ABCB1: variants seen among roughly 807,000 people sequenced by gnomAD.
ABCB1 encodes the protein ATP binding cassette subfamily B member 1.
Under a neutral mutation model 142.0 loss-of-function variants are expected in ABCB1, and 69 were observed. The observed-to-expected ratio is 0.49, with a 90% CI of 0.40 to 0.59. ABCB1 has a LOEUF of 0.59. Among genes scored for constraint, ABCB1 ranks in the 20% least tolerant of loss-of-function variants. The probability of loss-of-function intolerance (pLI) is 0.00; values close to 1 mark genes in which losing one functional copy is unlikely to be tolerated. For synonymous variants in ABCB1, 532 were observed against 539.2 expected, an observed-to-expected ratio of 0.99 and a Z score of 0.18; for missense variants, 1,326 against 1,554.7, an observed-to-expected ratio of 0.85 and a Z score of 2.47.
At chr7:87,550,671 G>T in intron 10 of ABCB1, 54 bp downstream of exon 10, 2 of 1,550,504 alleles carry the variant, frequency 1.3e-6, no homozygotes, top group South Asian at 2.2e-5. Context: ...CAAAGAAATT[G>T]ACTTAACTGG....
chr7:87,521,449 TC>T (rs1815504039), intron 21 of ABCB1: 2 of 703,292 alleles, frequency 2.8e-6, no homozygotes, highest in African/African-American at 3.5e-5. Context: ...AGTCTCTCTT[TC>T]CCCTGCCGTC....
chr7:87,565,640 T>TA (rs28381850), intron 7 of ABCB1, among the ~76,000 whole-genome samples: 15,638 of 151,048 alleles, frequency 0.1, 1,153 homozygotes, highest in African/African-American at 0.21. Context: ...AACATTAAAG[T>TA]AAAAAAAAAT....
At position 87,570,174 on chromosome 7, in the gene ABCB1, G is replaced by C. The variant is rs1468733075; in HGVS notation, c.336C>G (p.Thr112=). ...GFFMNLEEDM[T]RYAYYYSGIG... ...TAGTAAGGAGAATGTCTAATTACCT[G>C]GTCATGTCTTCCTCCAGATTCATGA... Residue 112 remains threonine, a splice_region_variant and synonymous_variant, in exon 5 of 28, where the codon ACC becomes ACG. Coordinates refer to ENST00000622132, the MANE Select transcript of ABCB1 (RefSeq NM_001348946.2). 6.2e-7 allele frequency: 1 copy of C among 1,611,994 alleles called. No homozygotes were observed. The highest frequency in any genetic ancestry group is 1.7e-5 in the Admixed American group (1 of 60,002).
chr7:87,601,758 T>G (rs1358476501), upstream of ABCB1, among the ~76,000 whole-genome samples: 1 of 152,268 alleles, frequency 6.6e-6, no homozygotes, highest in Non-Finnish European at 1.5e-5. Flanking sequence ...ATAGGTTTGT[T>G]GTATCCTCTA....
At chr7:87,594,320 G>T (rs1234197399) in intron 3 of ABCB1, among the ~76,000 whole-genome samples, 1 of 152,124 alleles carries the variant, frequency 6.6e-6, no homozygotes, top group East Asian at 1.9e-4. Context: ...AGGATTAAAT[G>T]AGATTAAATA....
At chr7:87,628,223 G>C (rs1158530689) in intron 1 of ABCB1, among the ~76,000 whole-genome samples, 1 of 152,226 alleles carries the variant, frequency 6.6e-6, no homozygotes, top group Non-Finnish European at 1.5e-5. Context: ...CTGCGAAAGC[G>C]AGCCCAGCGT....
intron 1 of ABCB1, among the ~76,000 whole-genome samples, chr7:87,628,127 G>C (rs1237448750): frequency 6.6e-6 from 1 of 152,202 alleles, no homozygotes; most frequent in Admixed American, 6.5e-5. Context: ...AGGCAAGGGG[G>C]GGGCAATAGG....
intron 3 of ABCB1, among the ~76,000 whole-genome samples, chr7:87,589,325 A>G (rs1469059623): frequency 6.6e-6 from 1 of 152,222 alleles, no homozygotes; most frequent in Non-Finnish European, 1.5e-5. Flanking sequence ...TGAGCATACA[A>G]TATGCAAATA....
intron 1 of ABCB1, among the ~76,000 whole-genome samples, chr7:87,626,153 CATATATATGTGTCATATATATTGTCAT>C: frequency 7.6e-6 from 1 of 131,472 alleles, no homozygotes; most frequent in Non-Finnish European, 1.6e-5. Context: ...TATATATTGT[CATATATATGTGTCATATATATTGTCAT>C]ATATATGTGT....
chr7:87,651,055 T>C, intron 1 of ABCB1: 1 of 630,320 alleles, frequency 1.6e-6, no homozygotes. Flanking sequence ...ATGTGAAATG[T>C]CAAATCTTTT....
chr7:87,555,100 A>G (rs1817253144), intron 8 of ABCB1, among the ~76,000 whole-genome samples: 1 of 152,208 alleles, frequency 6.6e-6, no homozygotes, highest in South Asian at 2.1e-4. Flanking sequence ...CCTTCATTTG[A>G]AAGGAACAGA....
chr7:87,522,804 T>C (rs1017762343), intron 21 of ABCB1, among the ~76,000 whole-genome samples: 32 of 152,170 alleles, frequency 2.1e-4, no homozygotes, highest in African/African-American at 7.7e-4. Flanking sequence ...TTTTCCTAAG[T>C]GCATAAATAT....
intron 1 of ABCB1, chr7:87,693,860 A>T (rs1563139078): frequency 6.3e-7 from 1 of 1,581,506 alleles, no homozygotes. Context: ...ACATGATGGC[A>T]GGTTTCTTAA....
intron 1 of ABCB1, among the ~76,000 whole-genome samples, chr7:87,685,147 A>C (rs1827331752): frequency 6.6e-6 from 1 of 152,204 alleles, no homozygotes; most frequent in Non-Finnish European, 1.5e-5. Context: ...TAATGATAAG[A>C]CAAGGCATAG....
At chr7:87,538,993 C>G (rs113125420) in intron 19 of ABCB1, among the ~76,000 whole-genome samples, 1 of 152,194 alleles carries the variant, frequency 6.6e-6, no homozygotes, top group Non-Finnish European at 1.5e-5. Context: ...TCTGCCTGCA[C>G]TGCCCACCAC....
intron 4 of ABCB1, among the ~76,000 whole-genome samples, chr7:87,582,768 AAATTTCACAT>A (rs1226773333): frequency 6.6e-6 from 1 of 152,234 alleles, no homozygotes; most frequent in Non-Finnish European, 1.5e-5. Flanking sequence ...ACTGAAATTT[AAATTTCACAT>A]AATTTCCACG....
intron 7 of ABCB1, among the ~76,000 whole-genome samples, chr7:87,562,294 G>A (rs755838628): frequency 6.6e-6 from 1 of 152,132 alleles, no homozygotes; most frequent in African/African-American, 2.4e-5. Flanking sequence ...AGCCTCTTTA[G>A]TACCCAAAAT....
rs1261798796 is a variant in ABCB1 at position 87,570,310 on chromosome 7, AT to A, written c.287-88del. 6 of 1,246,354 alleles carry A rather than the reference AT, an allele frequency of 4.8e-6. No homozygotes were observed. The African/African-American group carries it at 8.9e-5, about 18-fold the overall frequency. 77.2% of individuals were successfully genotyped at this position (1,246,354 alleles called of 1,614,324 possible). A position where few individuals can be genotyped will look rare whatever the true frequency, so the allele number is the denominator to read the frequency against. On this transcript the variant is annotated intron_variant, in intron 4 of 27. Coordinates refer to ENST00000622132, the MANE Select transcript of ABCB1 (RefSeq NM_001348946.2). Reference sequence around the variant, plus strand: ...TGTAAAAATGAATCAAACTCATTTCATTTAATGATTTACATAAAAATAGGTC... The same window carrying A: ...TGTAAAAATGAATCAAACTCATTTCATTAATGATTTACATAAAAATAGGTC...
intron 1 of ABCB1, among the ~76,000 whole-genome samples, chr7:87,626,022 ATAG>A (rs1005598850): frequency 8.1e-6 from 1 of 123,008 alleles, no homozygotes; most frequent in Non-Finnish European, 1.7e-5. Flanking sequence ...ATATATATAT[ATAG>A]AGAGAGAGAG....
Sources: allele counts gnomAD v4.1 joint callset (sites outside exome capture counted in the v4.1 genomes callset), GRCh38; gene constraint gnomAD v4.1.1; transcripts MANE v1.5; gene names NCBI Gene and HGNC (gene_info 2026-07-23, HGNC 2026-07-21).